Variants in NCOA7 observed in about 807,000 individuals in gnomAD.
NCOA7 encodes 140 kDa estrogen receptor-associated protein.
NCOA7 carries 45 observed loss-of-function variants against 104.3 expected under a neutral mutation model. The observed-to-expected ratio is 0.43, with a 90% CI of 0.34 to 0.55. NCOA7 has a LOEUF of 0.55. NCOA7 is among the 20% of genes least tolerant of loss of function. The pLI is 0.02. For missense variants in NCOA7, 1,041 were observed against 1,119.7 expected (o/e 0.93, Z 1.00); for synonymous variants, 398 against 402.3 (o/e 0.99, Z 0.13).
intron 2 of NCOA7, among the ~76,000 whole-genome samples, chr6:125,845,480 A>C (rs1780522188): frequency 2.0e-5 from 3 of 152,200 alleles, no homozygotes; most frequent in South Asian, 4.1e-4. Flanking sequence ...CATACCTATA[A>C]AGTAAAAGTT....
At chr6:125,803,833 C>T (rs537529967) in intron 1 of NCOA7, among the ~76,000 whole-genome samples, 36 of 152,312 alleles carry the variant, frequency 2.4e-4, no homozygotes, top group African/African-American at 8.7e-4. Flanking sequence ...TAACGCCTTT[C>T]ATCTATCCAA....
intron 13 of NCOA7, among the ~76,000 whole-genome samples, chr6:125,924,496 A>G (rs1787855144): frequency 6.6e-6 from 1 of 152,242 alleles, no homozygotes. Flanking sequence ...ATGATAGAAC[A>G]ACACCTGCAA....
chr6:125,811,585 T>C (rs1193256881), intron 1 of NCOA7, among the ~76,000 whole-genome samples: 3 of 152,168 alleles, frequency 2.0e-5, no homozygotes, highest in African/African-American at 7.2e-5. Context: ...GGTTGCCTCG[T>C]GCCTGAGGAA....
At chr6:125,790,366 T>C (rs1056185609), upstream of NCOA7, among the ~76,000 whole-genome samples, 1 of 151,834 alleles carries the variant, frequency 6.6e-6, no homozygotes, top group African/African-American at 2.4e-5. Context: ...CGGCCCGGGG[T>C]GAGGTAAGAG....
At chr6:125,922,371 G>A (rs1232827367) in intron 12 of NCOA7, among the ~76,000 whole-genome samples, 1 of 152,196 alleles carries the variant, frequency 6.6e-6, no homozygotes, top group Non-Finnish European at 1.5e-5. Context: ...GAAGTGGAAA[G>A]GAAGGGCATG....
intron 2 of NCOA7, among the ~76,000 whole-genome samples, chr6:125,837,988 C>T (rs1017043041): frequency 1.2e-4 from 18 of 152,250 alleles, no homozygotes; most frequent in East Asian, 1.2e-3. Context: ...GTAGAGCACA[C>T]GCCAGTCCCT....
intron 4 of NCOA7, among the ~76,000 whole-genome samples, chr6:125,877,908 C>G (rs1279653779): frequency 6.6e-6 from 1 of 152,110 alleles, no homozygotes; most frequent in African/African-American, 2.4e-5. Flanking sequence ...GAAAGTAGCC[C>G]CACTTCCCCT....
rs930921773 is a variant in NCOA7, at chr6:125,930,631, A to G, written c.*1860A>G. 1 of 152,506 alleles carries G rather than the reference A, an allele frequency of 6.6e-6. No individual in the cohort carries two copies. The highest frequency in any genetic ancestry group is 1.5e-5 in the Non-Finnish European group (1 of 68,046). 9.4% of individuals were successfully genotyped at this position (152,506 alleles called of 1,614,324 possible). ...TTTAGACATTTTGTGAAAGAGAACA[A>G]ATTGTCCAGTGGCCTCCTGTCAGAT... is the stretch of plus-strand genomic sequence containing the variant. On this transcript the variant is annotated 3_prime_UTR_variant, in exon 16 of 16. Transcript: ENST00000392477.
At chr6:125,885,962 G>A (rs967557429) in intron 8 of NCOA7, among the ~76,000 whole-genome samples, 19 of 151,854 alleles carry the variant, frequency 1.3e-4, no homozygotes, top group African/African-American at 4.6e-4. Flanking sequence ...AAGCTCCCCA[G>A]GAAAAAAGAG....
rs1049424040 is a variant in NCOA7, at chr6:125,927,828, T to C, written c.2619+70T>C. Reference sequence around the variant, plus strand: ...CCTCAGTTGGGGAAGGGGATAGGCATTGGGGCAGCTAGCTGTCCTGTAACT... The same window carrying C: ...CCTCAGTTGGGGAAGGGGATAGGCACTGGGGCAGCTAGCTGTCCTGTAACT... On this transcript the variant is annotated intron_variant, in intron 14 of 15. Coordinates refer to ENST00000392477, the MANE Select transcript of NCOA7 (RefSeq NM_181782.5). 5.1e-5 allele frequency: 64 copies of C among 1,256,072 alleles called. 2 individuals are homozygous for C. Among genetic ancestry groups the C allele is most frequent in the South Asian group, 6.0e-5 (5 of 83,706 alleles). 77.8% of individuals were successfully genotyped at this position (1,256,072 alleles called of 1,614,324 possible). A position where few individuals can be genotyped will look rare whatever the true frequency, so the allele number is the denominator to read the frequency against.
intron 3 of NCOA7, among the ~76,000 whole-genome samples, chr6:125,866,944 T>A (rs1782489663): frequency 6.6e-6 from 1 of 152,214 alleles, no homozygotes; most frequent in African/African-American, 2.4e-5. Context: ...CCATAAAAAA[T>A]TATTTTTTAT....
rs746279306 is a variant in NCOA7, at chr6:125,878,216, A to G, written c.352-47A>G. 6.8e-6 allele frequency: 9 copies of G among 1,324,178 alleles called. No homozygotes were observed. The East Asian group carries it at 1.5e-4, about 22-fold the overall frequency. The allele number at this position is 1,324,178 out of a possible 1,614,324, so 82.0% of individuals were successfully genotyped here. On this transcript the variant is annotated intron_variant, in intron 4 of 15. Coordinates refer to ENST00000392477, the MANE Select transcript of NCOA7 (RefSeq NM_181782.5). ...AAATTAATAGTATCTATCAAAAGTA[A>G]TTTTTTTTGCTTTATTTATTGACTC...
At chr6:125,794,149 A>T (rs1012637481) in intron 1 of NCOA7, among the ~76,000 whole-genome samples, 8 of 152,164 alleles carry the variant, frequency 5.3e-5, no homozygotes, top group African/African-American at 1.9e-4. Context: ...GAAACTTACT[A>T]TTATGTTACT....
At chr6:125,786,415 T>C (rs1228033242), upstream of NCOA7, among the ~76,000 whole-genome samples, 3 of 152,194 alleles carry the variant, frequency 2.0e-5, no homozygotes, top group Non-Finnish European at 2.9e-5. Context: ...GTTTTGAAAC[T>C]ACACTCAAAA....
intron 7 of NCOA7, among the ~76,000 whole-genome samples, chr6:125,884,015 G>A (rs963252054): frequency 2.6e-5 from 4 of 151,952 alleles, no homozygotes; most frequent in African/African-American, 4.8e-5. Context: ...CACCACACCC[G>A]GCCCACCCAT....
chr6:125,915,350 C>T lies in NCOA7; in HGVS notation c.2114C>T (p.Thr705Ile). The T allele has an allele frequency of 6.2e-7, 1 of 1,613,760 alleles. No individual in the cohort carries two copies. The highest frequency in any genetic ancestry group is 8.5e-7 in the Non-Finnish European group (1 of 1,179,722). The change falls in exon 11 of 16, where the codon ACA (threonine) becomes ATA (isoleucine). Residue 705 changes from threonine (T) to isoleucine (I), a missense_variant. By Grantham distance (89) the Thr-to-Ile change is moderately conservative (BLOSUM62 -1). This residue lies in a region of NCOA7 where 914 missense variants were observed against 942.7 expected (regional missense o/e 0.97). Transcript: ENST00000392477. ...VPRERVDHLY[T>I]FFVQWSPDVY... The stretch of plus-strand genomic sequence containing the variant: ...TTTTTCAGGGTGGATCATTTGTACA[C>T]ATTCTTTGTTCAGTGGTCTCCCGAT...
chr6:125,854,157 T>C (rs1781361165), intron 2 of NCOA7, among the ~76,000 whole-genome samples: 1 of 152,220 alleles, frequency 6.6e-6, no homozygotes, highest in Non-Finnish European at 1.5e-5. Flanking sequence ...TATTTATATA[T>C]GAGTAGAGTA....
In NCOA7 at chr6:125,881,207, T is replaced by G. The variant is rs777875881; in HGVS notation, c.573+4T>G. On this transcript the variant is annotated splice_donor_region_variant and intron_variant, in intron 6 of 15. Transcript: ENST00000392477. The stretch of plus-strand genomic sequence containing the variant: ...TGCAGAATATGATAAATTGCCTGTA[T>G]GTATATTATGCACTGAAGTTCATTT... 1 of 1,577,862 alleles carries G rather than the reference T, an allele frequency of 6.3e-7. No individual in the cohort carries two copies. Among genetic ancestry groups the G allele is most frequent in the Non-Finnish European group, 8.7e-7 (1 of 1,147,204 alleles).
chr6:125,894,885 T>A (rs1784887327), intron 10 of NCOA7, among the ~76,000 whole-genome samples: 1 of 152,178 alleles, frequency 6.6e-6, no homozygotes, highest in Non-Finnish European at 1.5e-5. Context: ...ATTTGGTGCA[T>A]ACTTCCTGGC....
Sources: gnomAD v4.1 joint callset for allele counts (sites outside exome capture counted in the v4.1 genomes callset) on GRCh38, gnomAD v4.1.1 for gene constraint, gnomAD v4.1.1 regional missense constraint, MANE v1.5 for transcripts, NCBI Gene and HGNC (gene_info 2026-07-23, HGNC 2026-07-21) for gene names.